The following ABCB10 variants were observed in gnomAD, a reference collection of about 807,000 sequenced individuals.
ABCB10 encodes the protein ATP-binding cassette sub-family B member 10, mitochondrial.
Under a neutral mutation model 65.4 loss-of-function variants are expected in ABCB10, and 54 were observed. The ratio of observed to expected loss-of-function variants is 0.83; its 90% CI spans 0.66 to 1.04. The LOEUF is 1.04. Among genes scored for constraint, ABCB10 ranks in the 50% least tolerant of loss-of-function variants. The probability of loss-of-function intolerance (pLI) is 0.00; values close to 1 mark genes in which losing one functional copy is unlikely to be tolerated. For synonymous variants in ABCB10, 418 were observed against 406.5 expected (o/e 1.03, Z -0.34); for missense variants, 846 against 976.6 (o/e 0.87, Z 1.78).
At chr1:229,536,691 C>A (rs1206871756) in intron 6 of ABCB10, among the ~76,000 whole-genome samples, 2 of 152,214 alleles carry the variant, frequency 1.3e-5, no homozygotes, top group East Asian at 3.8e-4. Context: ...TGCGGTGGCT[C>A]ATGCCTGTCA....
chr1:229,518,151 C>T lies in ABCB10; in HGVS notation c.*28G>A. 1 of 1,544,496 alleles carries T rather than the reference C, an allele frequency of 6.5e-7. No homozygotes were observed. The highest frequency in any genetic ancestry group is 8.9e-7 in the Non-Finnish European group (1 of 1,117,914). ...CTGCAACACTGTTTTGCATTAAAGT[C>T]TCATATTGTTTACCAGTAATTGCTT... On this transcript the variant is annotated 3_prime_UTR_variant, in exon 13 of 13. Transcript: ENST00000344517.
chr1:229,521,801 A>G (rs1239914297), intron 10 of ABCB10, among the ~76,000 whole-genome samples, 166 bp from the exon 11 acceptor site: 1 of 152,252 alleles, frequency 6.6e-6, no homozygotes, highest in African/African-American at 2.4e-5. Flanking sequence ...AAATATATCA[A>G]TCCCAAAATT....
Position 229,558,465 on chromosome 1 carries a change from C to G in ABCB10, c.188G>C (p.Gly63Ala). 8.1e-7 allele frequency: 1 copy of G among 1,234,988 alleles called. No individual in the cohort carries two copies. The allele number at this position is 1,234,988 out of a possible 1,614,324, so 76.5% of individuals were successfully genotyped here. A position where few individuals can be genotyped will look rare whatever the true frequency, so the allele number is the denominator to read the frequency against. The change falls in exon 1 of 13, where the codon GGA becomes GCA. Residue 63 changes from glycine to alanine, a missense_variant. This residue lies in a region of ABCB10 where 214 missense variants were observed against 173.5 expected (regional missense o/e 1.23). Transcript: ENST00000344517. ...GAGPALLWGV[G>A]AARRWRSGCR... Reference sequence around the variant, plus strand: ...GCCGCTCCTCCAGCGGCGCGCGGCTCCAACGCCCCAGAGCAGCGCGGGCCC... The same window carrying G: ...GCCGCTCCTCCAGCGGCGCGCGGCTGCAACGCCCCAGAGCAGCGCGGGCCC...
chr1:229,525,828 A>T, intron 10 of ABCB10, 108 bp downstream of exon 10: 1 of 1,345,482 alleles, frequency 7.4e-7, no homozygotes, highest in East Asian at 2.3e-5. Flanking sequence ...ACAGAGCAAG[A>T]CTCAAGACTC....
At chr1:229,535,060 A>AAAAC (rs1287261030) in intron 6 of ABCB10, 1 of 149,232 alleles carries the variant, frequency 6.7e-6, no homozygotes, top group African/African-American at 2.5e-5. Context: ...AAAAAAAAAA[A>AAAAC]AAAAAAAACC....
chr1:229,540,589 C>A lies in ABCB10; in HGVS notation c.1203+17G>T, dbSNP rs750189510. 7 of 1,598,252 alleles carry A rather than the reference C, an allele frequency of 4.4e-6. No individual in the cohort carries two copies. The East Asian group carries it at 1.6e-4, about 36-fold the overall frequency. ...TAACATTTGCCAATTTTACTTTTTCCAAAGTGATCTACTTACTGCTCCAAA... is the reference window on the plus strand; with the variant it reads ...TAACATTTGCCAATTTTACTTTTTCAAAAGTGATCTACTTACTGCTCCAAA... On this transcript the variant is annotated intron_variant, in intron 5 of 12. Coordinates refer to ENST00000344517, the MANE Select transcript of ABCB10 (RefSeq NM_012089.3).
At chr1:229,548,490 T>C (rs1350555379) in intron 2 of ABCB10, among the ~76,000 whole-genome samples, 3 of 152,146 alleles carry the variant, frequency 2.0e-5, no homozygotes, top group Admixed American at 1.3e-4. Context: ...CTCATTATTG[T>C]GGCAGTGACC....
In ABCB10 at chr1:229,542,217, G is replaced by T. The variant is rs1026620747; in HGVS notation, c.1056+20C>A. Reference sequence around the variant, plus strand: ...GACCCCATTCTGCTGGAAACCACGCGGACAGGAAGGGGCCTTTACCTGAGT... The same window carrying T: ...GACCCCATTCTGCTGGAAACCACGCTGACAGGAAGGGGCCTTTACCTGAGT... On this transcript the variant is annotated intron_variant, in intron 4 of 12. Transcript: ENST00000344517. 2 of 1,612,108 alleles carry T rather than the reference G, an allele frequency of 1.2e-6. No homozygotes were observed. Among genetic ancestry groups the T allele is most frequent in the East Asian group, 2.2e-5 (1 of 44,870 alleles).
At chr1:229,544,296 G>C (rs1446273856) in intron 3 of ABCB10, among the ~76,000 whole-genome samples, 2 of 151,764 alleles carry the variant, frequency 1.3e-5, no homozygotes, top group African/African-American at 4.8e-5. Context: ...GCACGCCTGT[G>C]GTTCCAGCTA....
chr1:229,524,028 T>A (rs1227112722), intron 10 of ABCB10, among the ~76,000 whole-genome samples: 1 of 152,016 alleles, frequency 6.6e-6, no homozygotes. Flanking sequence ...AAAACCCTTT[T>A]GTTTTATATT....
chr1:229,521,481 A>C, intron 11 of ABCB10, 111 bp downstream of exon 11: 1 of 1,364,884 alleles, frequency 7.3e-7, no homozygotes, highest in Non-Finnish European at 1.0e-6. Context: ...AAGAAAAAAA[A>C]AAAAACAAAA....
chr1:229,526,047 T>C lies in ABCB10; in HGVS notation c.1795A>G (p.Thr599Ala), dbSNP rs756802143. 6.2e-7 allele frequency: 1 copy of C among 1,614,170 alleles called. No homozygotes were observed. Among genetic ancestry groups the C allele is most frequent in the South Asian group, 1.1e-5 (1 of 91,082 alleles). ...AYGADDPSSV[T>A]AEEIQRVAEV... The stretch of plus-strand genomic sequence containing the variant: ...GCCACTCTCTGGATTTCCTCAGCGG[T>C]CACAGAGGAAGGGTCATCAGCACCA... The change falls in exon 10 of 13, where the codon ACC becomes GCC. Residue 599 changes from threonine to alanine, a missense_variant. Physicochemically the swap from Thr to Ala is moderately conservative, Grantham distance 58 (BLOSUM62 0). Coordinates refer to ENST00000344517, the MANE Select transcript of ABCB10 (RefSeq NM_012089.3).
At chr1:229,555,920 C>G (rs1017422208) in intron 1 of ABCB10, among the ~76,000 whole-genome samples, 40 of 142,778 alleles carry the variant, frequency 2.8e-4, no homozygotes, top group Non-Finnish European at 4.5e-4. Flanking sequence ...TAAATAAGGG[C>G]TTTTTATCAG....
intron 6 of ABCB10, among the ~76,000 whole-genome samples, chr1:229,532,807 A>G (rs755596416): frequency 2.0e-4 from 30 of 152,096 alleles, no homozygotes; most frequent in Non-Finnish European, 3.8e-4. Flanking sequence ...CTTGAGTCCA[A>G]GAGGTTAAGG....
intron 1 of ABCB10, among the ~76,000 whole-genome samples, chr1:229,553,689 T>G (rs1571980667): frequency 6.7e-6 from 1 of 149,590 alleles, no homozygotes; most frequent in Non-Finnish European, 1.5e-5. Flanking sequence ...CGTTTTGAGG[T>G]TGAGTTGGTC....
chr1:229,546,772 T>C (rs1177478093), intron 3 of ABCB10, among the ~76,000 whole-genome samples: 2 of 151,976 alleles, frequency 1.3e-5, no homozygotes, highest in Non-Finnish European at 2.9e-5. Flanking sequence ...TAGTCCCAGA[T>C]ACTTGGGAGA....
At chr1:229,541,963 A>AC (rs1662859391) in intron 4 of ABCB10, among the ~76,000 whole-genome samples, 1 of 145,482 alleles carries the variant, frequency 6.9e-6, no homozygotes. Context: ...AAAAAAAAAA[A>AC]CAAAAAAAAA....
rs35444832 is a variant in ABCB10 at position 229,543,385 on chromosome 1, T to C, written c.922-1014A>G. 8.7e-3 allele frequency among the ~76,000 whole-genome samples: 1,328 copies of C among 152,342 alleles called. 14 individuals are homozygous for C. The highest frequency in any genetic ancestry group is 0.014 in the Non-Finnish European group (959 of 68,028). ...AATTTGGTGATTGTACTTTCAATAG[T>C]ACTGGCATCTCTTCGACAAATTACT... On this transcript the variant is annotated intron_variant, in intron 3 of 12. Transcript: ENST00000344517.
chr1:229,551,320 T>C (rs879911931), intron 1 of ABCB10, among the ~76,000 whole-genome samples: 26 of 152,134 alleles, frequency 1.7e-4, no homozygotes, highest in Non-Finnish European at 5.9e-5. Context: ...TCCCTCTCCA[T>C]TTGTGTTCTC....
Sources: allele counts gnomAD v4.1 joint callset (sites outside exome capture counted in the v4.1 genomes callset), GRCh38; gene constraint gnomAD v4.1.1; regional missense constraint gnomAD v4.1.1; transcripts MANE v1.5; gene names NCBI Gene and HGNC (gene_info 2026-07-23, HGNC 2026-07-21).